ZEB1: variants seen among roughly 807,000 people sequenced by gnomAD.
ZEB1 encodes zinc finger E-box binding homeobox 1, also known as zinc finger E-box-binding homeobox 1.
Under a neutral mutation model 84.9 loss-of-function variants are expected in ZEB1, and 21 were observed. The observed-to-expected ratio is 0.25, with a 90% CI of 0.18 to 0.36. ZEB1 has a LOEUF of 0.36. Ranked by LOEUF, ZEB1 falls within the 10% of genes least tolerant of loss-of-function variation. ZEB1 has a pLI of 1.00. For synonymous variants in ZEB1, 420 were observed against 471.1 expected (o/e 0.89, Z 1.41); for missense variants, 1,104 against 1,330.2 (o/e 0.83, Z 2.65).
At chr10:31,344,522 TGCTTAGGCTCACTTCAATTTCCCCA>T (rs2039959452) in intron 1 of ZEB1, among the ~76,000 whole-genome samples, 1 of 152,172 alleles carries the variant, frequency 6.6e-6, no homozygotes, top group Admixed American at 6.5e-5. Context: ...ATTAGTAATA[TGCTTAGGCTCACTTCAATTTCCCCA>T]GCAGAAACTA....
chr10:31,500,780 A>G (rs1182471735), intron 3 of ZEB1, among the ~76,000 whole-genome samples: 1 of 152,166 alleles, frequency 6.6e-6, no homozygotes, highest in Non-Finnish European at 1.5e-5. Context: ...AAGAGTTTAC[A>G]TGGAAGCTGA....
intron 1 of ZEB1, among the ~76,000 whole-genome samples, chr10:31,408,299 C>G (rs1455013008): frequency 6.6e-6 from 1 of 150,612 alleles, no homozygotes; most frequent in East Asian, 1.9e-4. Context: ...GAATCAATAT[C>G]GTGAAAATGG....
chr10:31,387,688 C>G (rs950846522), intron 1 of ZEB1: 2 of 915,710 alleles, frequency 2.2e-6, no homozygotes, highest in African/African-American at 1.8e-5. Flanking sequence ...TTTTCATGAT[C>G]TTTTTGAAGC....
chr10:31,353,580 C>G (rs2041653232), intron 1 of ZEB1, among the ~76,000 whole-genome samples: 1 of 152,130 alleles, frequency 6.6e-6, no homozygotes, highest in Non-Finnish European at 1.5e-5. Context: ...TGTTTATGAT[C>G]AAATTGACAA....
chr10:31,326,088 T>C (rs1471667703), intron 1 of ZEB1, among the ~76,000 whole-genome samples: 2 of 152,086 alleles, frequency 1.3e-5, no homozygotes, highest in East Asian at 1.9e-4. Flanking sequence ...AAAATAACTT[T>C]TTATCTGAAA....
intron 4 of ZEB1, among the ~76,000 whole-genome samples, chr10:31,507,687 T>C (rs1281423490): frequency 1.3e-5 from 2 of 152,208 alleles, no homozygotes; most frequent in East Asian, 1.9e-4. Flanking sequence ...TTCTTTTTTA[T>C]GATACTTACC....
chr10:31,482,224 G>C (rs751939972), intron 2 of ZEB1, among the ~76,000 whole-genome samples: 1 of 151,960 alleles, frequency 6.6e-6, no homozygotes, highest in African/African-American at 2.4e-5. Flanking sequence ...CTTTAGTTCT[G>C]TTTTTGCTCA....
intron 1 of ZEB1, among the ~76,000 whole-genome samples, chr10:31,406,540 G>A (rs1488421171): frequency 6.6e-6 from 1 of 150,690 alleles, no homozygotes; most frequent in African/African-American, 2.4e-5. Flanking sequence ...TTTTGATGGA[G>A]TTGTTTTTTT....
intron 1 of ZEB1, among the ~76,000 whole-genome samples, chr10:31,386,194 A>G (rs1180871523): frequency 1.3e-5 from 2 of 151,796 alleles, no homozygotes; most frequent in Non-Finnish European, 2.9e-5. Flanking sequence ...GATATTTGAT[A>G]TTTAATAATA....
At chr10:31,407,540 A>G (rs1031472988) in intron 1 of ZEB1, among the ~76,000 whole-genome samples, 6 of 151,876 alleles carry the variant, frequency 4.0e-5, no homozygotes, top group Non-Finnish European at 8.8e-5. Context: ...ATTGTGAATA[A>G]TGCCGCAATA....
At chr10:31,325,663 T>TC (rs1047118534) in intron 1 of ZEB1, among the ~76,000 whole-genome samples, 1 of 151,922 alleles carries the variant, frequency 6.6e-6, no homozygotes, top group African/African-American at 2.4e-5. Flanking sequence ...TCCCTTCCCC[T>TC]CCCCCATTCA....
In ZEB1 at chr10:31,520,662, ACAAT is replaced by A. The variant is rs1554930679; in HGVS notation, c.1335_1338del (p.Ile445MetfsTer48). The A allele has an allele frequency of 1.2e-6, 2 of 1,613,974 alleles. No individual in the cohort carries two copies. Among genetic ancestry groups the A allele is most frequent in the South Asian group, 1.1e-5 (1 of 91,084 alleles). ...CAATCTTGCATCCAAAGAACAAGAA[ACAAT>A]CAATGCTTCACCCATACAACAAGGT... On this transcript the variant is annotated frameshift_variant, in exon 7 of 9. Transcript: ENST00000424869. LOFTEE classifies it high-confidence loss of function. The surrounding 1 kb of genome is among the most constrained non-coding windows in gnomAD (Gnocchi z 5.1).
At chr10:31,516,084 C>A (rs935340992) in intron 6 of ZEB1, among the ~76,000 whole-genome samples, 6 of 152,072 alleles carry the variant, frequency 3.9e-5, no homozygotes, top group Middle Eastern at 3.4e-3. Flanking sequence ...TAAATCAGAA[C>A]AAGGATTGAA....
intron 1 of ZEB1, among the ~76,000 whole-genome samples, chr10:31,449,454 T>C (rs942645733): frequency 3.3e-5 from 5 of 152,206 alleles, no homozygotes; most frequent in African/African-American, 1.2e-4. Context: ...TATTTTCTTC[T>C]AATACTTTTA....
intron 1 of ZEB1, among the ~76,000 whole-genome samples, chr10:31,371,458 C>T (rs1032250990): frequency 4.6e-5 from 7 of 152,134 alleles, no homozygotes; most frequent in Non-Finnish European, 7.4e-5. Flanking sequence ...TCACAGTTTG[C>T]TTTGTGGGTT....
intron 1 of ZEB1, among the ~76,000 whole-genome samples, chr10:31,425,660 C>T (rs886186981): frequency 1.3e-5 from 2 of 152,072 alleles, no homozygotes; most frequent in Non-Finnish European, 2.9e-5. Context: ...ATTAGTCACC[C>T]ACAAATTTTG....
intron 1 of ZEB1, among the ~76,000 whole-genome samples, chr10:31,429,784 C>T (rs2057477785): frequency 1.4e-5 from 2 of 142,008 alleles, no homozygotes; most frequent in Non-Finnish European, 3.0e-5. Flanking sequence ...ACTCTTGTCC[C>T]CCAGGCTGGA....
chr10:31,406,931 A>G (rs908846542), intron 1 of ZEB1, among the ~76,000 whole-genome samples: 1 of 151,982 alleles, frequency 6.6e-6, no homozygotes, highest in Non-Finnish European at 1.5e-5. Flanking sequence ...TTTTCCCAAC[A>G]CCATTTATTA....
intron 1 of ZEB1, among the ~76,000 whole-genome samples, chr10:31,446,887 CT>C (rs1372914590): frequency 1.3e-5 from 2 of 152,076 alleles, no homozygotes; most frequent in African/African-American, 4.8e-5. Context: ...AATGTATATT[CT>C]TTTGATTTGG....
Sources: gnomAD v4.1 joint callset for allele counts (sites outside exome capture counted in the v4.1 genomes callset) on GRCh38, gnomAD v4.1.1 for gene constraint, Gnocchi (gnomAD v3.1) non-coding constraint, MANE v1.5 for transcripts, NCBI Gene and HGNC (gene_info 2026-07-23, HGNC 2026-07-21) for gene names.